The following ADAM7 variants were observed in gnomAD, a reference collection of about 807,000 sequenced individuals.
ADAM7 encodes the protein disintegrin and metalloproteinase domain-containing protein 7.
In ADAM7, 97 loss-of-function variants were observed where a neutral mutation model predicts 102.9. That is an observed-to-expected ratio of 0.94 (90% CI 0.80 to 1.12). ADAM7 has a LOEUF of 1.12. ADAM7 is among the 50% of genes most tolerant of loss of function. The pLI, the probability that ADAM7 is intolerant of heterozygous loss-of-function variation, is 0.00. For synonymous variants in ADAM7, 334 were observed against 304.4 expected (o/e 1.10, Z -1.01); for missense variants, 991 against 908.7 (o/e 1.09, Z -1.16).
chr8:24,464,840 G>T (rs1241325352), intron 4 of ADAM7, among the ~76,000 whole-genome samples: 3 of 117,040 alleles, frequency 2.6e-5, no homozygotes, highest in African/African-American at 6.2e-5. Flanking sequence ...AGGCTGGAGC[G>T]CAGCGGCACA....
chr8:24,501,689 G>A (rs188203724), intron 20 of ADAM7, 113 bp downstream of exon 20: 1 of 680,492 alleles, frequency 1.5e-6, no homozygotes, highest in Non-Finnish European at 2.4e-6. Flanking sequence ...GTGCAGAGGA[G>A]CAATTTAACA....
chr8:24,468,354 G>T (rs1819497453), intron 6 of ADAM7, among the ~76,000 whole-genome samples: 1 of 151,756 alleles, frequency 6.6e-6, no homozygotes, highest in African/African-American at 2.4e-5. Flanking sequence ...TATTTGACCT[G>T]AAAGCCTAAA....
chr8:24,455,739 T>G (rs1819008498), intron 3 of ADAM7, among the ~76,000 whole-genome samples: 1 of 152,254 alleles, frequency 6.6e-6, no homozygotes, highest in Non-Finnish European at 1.5e-5. Flanking sequence ...TTTCTTTGTA[T>G]AACATTTTCA....
intron 11 of ADAM7, among the ~76,000 whole-genome samples, chr8:24,488,462 G>C (rs1415394602): frequency 1.3e-5 from 2 of 152,132 alleles, no homozygotes; most frequent in African/African-American, 4.8e-5. Context: ...ACAACTAAAT[G>C]TGATGGCTGG....
intron 5 of ADAM7, 151 bp downstream of exon 5, chr8:24,465,926 C>A: frequency 1.9e-6 from 1 of 522,260 alleles, no homozygotes; most frequent in Non-Finnish European, 3.3e-6. Context: ...TCAGCTGTAG[C>A]CTATGATTTA....
intron 16 of ADAM7, among the ~76,000 whole-genome samples, chr8:24,497,603 TACAG>T (rs1820604229): frequency 6.6e-6 from 1 of 152,092 alleles, no homozygotes; most frequent in Non-Finnish European, 1.5e-5. Context: ...AAAAATTCAT[TACAG>T]ATTTAATATG....
chr8:24,492,182 C>A, intron 14 of ADAM7, 84 bp downstream of exon 14: 1 of 1,308,788 alleles, frequency 7.6e-7, no homozygotes, highest in Non-Finnish European at 1.1e-6. Flanking sequence ...GGGTCAAGAT[C>A]AGATATAATG....
At chr8:24,496,948 G>C (rs1474308957) in intron 16 of ADAM7, among the ~76,000 whole-genome samples, 1 of 152,140 alleles carries the variant, frequency 6.6e-6, no homozygotes, top group Non-Finnish European at 1.5e-5. Flanking sequence ...AGATTTGGGA[G>C]GGGCCAGGGA....
intron 15 of ADAM7, 33 bp from the exon 16 acceptor site, chr8:24,493,010 G>A: frequency 2.6e-6 from 4 of 1,537,508 alleles, no homozygotes; most frequent in Non-Finnish European, 3.5e-6. Flanking sequence ...TGTATTTCTA[G>A]TTCCAAGTTT....
rs777050106 is a variant in ADAM7 at position 24,500,905 on chromosome 8, C to G, written c.2108+10C>G. 6.3e-7 allele frequency: 1 copy of G among 1,592,892 alleles called. No individual in the cohort carries two copies. Among genetic ancestry groups the G allele is most frequent in the South Asian group, 1.1e-5 (1 of 90,406 alleles). On this transcript the variant is annotated intron_variant, in intron 19 of 21. Coordinates refer to ENST00000175238, the MANE Select transcript of ADAM7 (RefSeq NM_003817.4). ...TGAAGCAAGTTCAGAGGTACATTTA[C>G]ATTTTTCTATGTGTTGAAGAAGGGA...
chr8:24,473,338 A>G (rs761521507), intron 7 of ADAM7, among the ~76,000 whole-genome samples: 1 of 152,110 alleles, frequency 6.6e-6, no homozygotes, highest in African/African-American at 2.4e-5. Context: ...TATTGTGTCC[A>G]ATGGCTGGCT....
chr8:24,481,683 T>C (rs1181728118), intron 8 of ADAM7, among the ~76,000 whole-genome samples: 5 of 152,130 alleles, frequency 3.3e-5, no homozygotes, highest in Admixed American at 3.3e-4. Context: ...AATTCAAACA[T>C]AAAGATCAAA....
intron 3 of ADAM7, among the ~76,000 whole-genome samples, chr8:24,453,470 C>T (rs937942186): frequency 2.0e-5 from 3 of 152,208 alleles, no homozygotes; most frequent in Non-Finnish European, 4.4e-5. Context: ...GCATTCTTCA[C>T]GTAGTTCTCG....
chr8:24,466,251 A>G (rs1212176639), intron 5 of ADAM7, among the ~76,000 whole-genome samples: 1 of 152,170 alleles, frequency 6.6e-6, no homozygotes, highest in Non-Finnish European at 1.5e-5. Flanking sequence ...TTCAGAAGTA[A>G]AGCCTATAGT....
At chr8:24,493,399 A>G (rs1296300651) in intron 16 of ADAM7, among the ~76,000 whole-genome samples, 170 bp downstream of exon 16, 1 of 152,102 alleles carries the variant, frequency 6.6e-6, no homozygotes, top group East Asian at 1.9e-4. Flanking sequence ...ATAAACATCC[A>G]TTTTGCCTAA....
At chr8:24,502,691 CAG>C (rs1453115732) in intron 20 of ADAM7, among the ~76,000 whole-genome samples, 8 of 151,986 alleles carry the variant, frequency 5.3e-5, no homozygotes, top group Non-Finnish European at 1.0e-4. Context: ...TCATGAAAAA[CAG>C]ATAACCTGAA....
At chr8:24,486,818 C>T (rs936956184) in intron 10 of ADAM7, among the ~76,000 whole-genome samples, 3 of 152,078 alleles carry the variant, frequency 2.0e-5, no homozygotes, top group African/African-American at 7.2e-5. Flanking sequence ...GTGTCATCAC[C>T]TTGAAGTTAG....
intron 11 of ADAM7, among the ~76,000 whole-genome samples, chr8:24,488,190 T>A (rs1015406825): frequency 6.6e-6 from 1 of 152,186 alleles, no homozygotes; most frequent in African/African-American, 2.4e-5. Flanking sequence ...GTCAGAGGGT[T>A]TTGTCTTTTG....
chr8:24,469,455 G>A (rs911980080), intron 7 of ADAM7, among the ~76,000 whole-genome samples: 5 of 152,106 alleles, frequency 3.3e-5, no homozygotes, highest in Non-Finnish European at 5.9e-5. Context: ...TGTGGGACAT[G>A]ATATTATATA....
Sources: gnomAD v4.1 joint callset for allele counts (sites outside exome capture counted in the v4.1 genomes callset) on GRCh38, gnomAD v4.1.1 for gene constraint, MANE v1.5 for transcripts, NCBI Gene and HGNC (gene_info 2026-07-23, HGNC 2026-07-21) for gene names.